HS3ST3A1: variants seen among roughly 807,000 people sequenced by gnomAD.
HS3ST3A1 encodes heparan sulfate glucosamine 3-O-sulfotransferase 3A1.
A neutral mutation model predicts 25.7 loss-of-function variants in HS3ST3A1; 19 were observed. The ratio of observed to expected loss-of-function variants is 0.74; its 90% CI spans 0.52 to 1.08. The LOEUF is 1.08. Ranked by LOEUF, HS3ST3A1 falls within the 50% of genes least tolerant of loss-of-function variation. The pLI, the probability that HS3ST3A1 is intolerant of heterozygous loss-of-function variation, is 0.00. For synonymous variants in HS3ST3A1, 226 were observed against 278.6 expected (o/e 0.81, Z 1.88); for missense variants, 459 against 594.3 (o/e 0.77, Z 2.37).
chr17:13,551,628 G>GC (rs1215288177), intron 1 of HS3ST3A1, among the ~76,000 whole-genome samples: 38 of 149,204 alleles, frequency 2.5e-4, no homozygotes, highest in Admixed American at 1.0e-3. Context: ...AAAAAAAAGG[G>GC]GGGGGGGTAT....
At chr17:13,597,106 T>A (rs942597129) in intron 1 of HS3ST3A1, among the ~76,000 whole-genome samples, 1 of 152,052 alleles carries the variant, frequency 6.6e-6, no homozygotes, top group South Asian at 2.1e-4. Context: ...AACTGAAATA[T>A]AAGAAATAGA....
At chr17:13,501,965 G>C (rs1232970116) in intron 1 of HS3ST3A1, among the ~76,000 whole-genome samples, 1 of 152,176 alleles carries the variant, frequency 6.6e-6, no homozygotes, top group Non-Finnish European at 1.5e-5. Flanking sequence ...ATTATGGTGT[G>C]AGAGAGATGG....
chr17:13,574,543 C>T lies in HS3ST3A1; in HGVS notation c.599+25988G>A, dbSNP rs190982090. 3.0e-3 allele frequency among the ~76,000 whole-genome samples: 454 copies of T among 151,714 alleles called. 2 individuals carry two copies. The highest frequency in any genetic ancestry group is 0.01 in the African/African-American group (423 of 41,414). On this transcript the variant is annotated intron_variant, in intron 1 of 1. Coordinates refer to ENST00000284110, the MANE Select transcript of HS3ST3A1 (RefSeq NM_006042.3). ...ACCATCCTGGCTAACACGGTGAAAC[C>T]CCATCTCTACTAAAAGTACAAAAAA...
At chr17:13,566,881 T>C (rs1285432124) in intron 1 of HS3ST3A1, among the ~76,000 whole-genome samples, 1 of 152,208 alleles carries the variant, frequency 6.6e-6, no homozygotes, top group Non-Finnish European at 1.5e-5. Context: ...AAGTGTAAGA[T>C]GAAGCAGCAG....
chr17:13,555,546 C>T (rs537156076), intron 1 of HS3ST3A1, among the ~76,000 whole-genome samples: 1 of 152,272 alleles, frequency 6.6e-6, no homozygotes, highest in Admixed American at 6.5e-5. Flanking sequence ...AGCATCTTGC[C>T]TCAAAACCAT....
rs117315339 is a variant in HS3ST3A1, at chr17:13,571,050, A to G, written c.599+29481T>C. ...TGTCCGTAAACCTAGGGAATTCACA[A>G]TTGTGCTATCAGCCCATACAAATTC... On this transcript the variant is annotated intron_variant, in intron 1 of 1. Transcript: ENST00000284110. Among the ~76,000 whole-genome samples the G allele has an allele frequency of 3.2e-3, 490 of 152,318 alleles. 1 individual carries two copies. The highest frequency in any genetic ancestry group is 0.022 in the South Asian group (107 of 4,830).
rs763089364 is a variant in HS3ST3A1 at position 13,496,807 on chromosome 17, G to A, written c.611C>T (p.Pro204Leu). 2 of 1,611,060 alleles carry A rather than the reference G, an allele frequency of 1.2e-6. No homozygotes were observed. Among genetic ancestry groups the A allele is most frequent in the Non-Finnish European group, 1.7e-6 (2 of 1,178,536 alleles). ...KGLAWYRDLM[P>L]RTLDGQITME... ...GGTGATCTGCCCGTCCAGGGTTCTG[G>A]GCATCAGGTCCCTGAGAAACGCAAA... is the stretch of plus-strand genomic sequence containing the variant. Residue 204 changes from proline to leucine, a missense_variant, in exon 2 of 2, where the codon CCC (proline) becomes CTC (leucine). Coordinates refer to ENST00000284110, the MANE Select transcript of HS3ST3A1 (RefSeq NM_006042.3).
At chr17:13,567,639 C>T (rs1425112109) in intron 1 of HS3ST3A1, among the ~76,000 whole-genome samples, 1 of 152,108 alleles carries the variant, frequency 6.6e-6, no homozygotes, top group African/African-American at 2.4e-5. Context: ...TGATTCCAAC[C>T]CTCATGGATG....
intron 1 of HS3ST3A1, among the ~76,000 whole-genome samples, chr17:13,524,052 T>C (rs1906334143): frequency 6.6e-6 from 1 of 152,212 alleles, no homozygotes; most frequent in East Asian, 1.9e-4. Context: ...GCTGCATGTT[T>C]GATTTCCTCT....
intron 1 of HS3ST3A1, among the ~76,000 whole-genome samples, chr17:13,578,716 G>C (rs563753090): frequency 1.3e-5 from 2 of 152,198 alleles, no homozygotes; most frequent in Admixed American, 6.5e-5. Context: ...AATACTGAAC[G>C]AATGAATGTT....
chr17:13,597,412 T>C (rs1413500883), intron 1 of HS3ST3A1, among the ~76,000 whole-genome samples: 1 of 152,110 alleles, frequency 6.6e-6, no homozygotes, highest in Non-Finnish European at 1.5e-5. Flanking sequence ...GATCTCAATG[T>C]TTTGAAGCTA....
At chr17:13,532,416 G>A (rs1056038349) in intron 1 of HS3ST3A1, among the ~76,000 whole-genome samples, 1 of 152,068 alleles carries the variant, frequency 6.6e-6, no homozygotes, top group Non-Finnish European at 1.5e-5. Context: ...TAAGGCTGTT[G>A]GGGGTCAGAA....
chr17:13,554,906 G>A (rs2142359547), intron 1 of HS3ST3A1, among the ~76,000 whole-genome samples: 1 of 152,120 alleles, frequency 6.6e-6, no homozygotes, highest in Admixed American at 6.5e-5. Flanking sequence ...CAGGCAGACT[G>A]CCCCCTAACT....
At chr17:13,524,691 T>C (rs375628211) in intron 1 of HS3ST3A1, among the ~76,000 whole-genome samples, 60 of 152,338 alleles carry the variant, frequency 3.9e-4, no homozygotes, top group Admixed American at 1.2e-3. Flanking sequence ...TCAATATCAA[T>C]TTCCTGGCTT....
intron 1 of HS3ST3A1, among the ~76,000 whole-genome samples, chr17:13,528,851 C>T (rs144830201): frequency 1.6e-4 from 24 of 150,082 alleles, no homozygotes; most frequent in African/African-American, 5.9e-4. Context: ...GGGATGGACA[C>T]ATGCACAAAG....
In HS3ST3A1 at chr17:13,495,831, G is replaced by T. The variant is rs1408256803; in HGVS notation, c.*366C>A. ...ACGGGAAAAAGGGAGAAAAATATAAGGATAGATATCAATTTTATCAGGGCC... is the reference window on the plus strand; with the variant it reads ...ACGGGAAAAAGGGAGAAAAATATAATGATAGATATCAATTTTATCAGGGCC... On this transcript the variant is annotated 3_prime_UTR_variant, in exon 2 of 2. Coordinates refer to ENST00000284110, the MANE Select transcript of HS3ST3A1 (RefSeq NM_006042.3). 1 of 170,856 alleles carries T rather than the reference G, an allele frequency of 5.9e-6. No homozygotes were observed. 10.6% of individuals were successfully genotyped at this position (170,856 alleles called of 1,614,324 possible).
intron 1 of HS3ST3A1, among the ~76,000 whole-genome samples, chr17:13,542,770 A>AGGATGGG (rs1230395713): frequency 6.6e-6 from 1 of 152,194 alleles, no homozygotes; most frequent in Non-Finnish European, 1.5e-5. Context: ...GGATAGCCTC[A>AGGATGGG]GGATGGGGGA....
At position 13,591,674 on chromosome 17, in the gene HS3ST3A1, T is replaced by G. The variant is rs78042899; in HGVS notation, c.599+8857A>C. Among the ~76,000 whole-genome samples the G allele has an allele frequency of 9.2e-3, 1,014 of 109,922 alleles. 15 individuals are homozygous for G. The highest frequency in any genetic ancestry group is 0.032 in the African/African-American group (940 of 29,234). 72.1% of individuals were successfully genotyped at this position (109,922 alleles called of 152,430 possible). A position where few individuals can be genotyped will look rare whatever the true frequency, so the allele number is the denominator to read the frequency against. The stretch of plus-strand genomic sequence containing the variant: ...TTTTTTCTTCTTCTTTTTTTTTTTT[T>G]TTGGGACAGAGTCTCACTCTGTTGC... On this transcript the variant is annotated intron_variant, in intron 1 of 1. Transcript: ENST00000284110.
chr17:13,543,636 G>A (rs1906999557), intron 1 of HS3ST3A1: 1 of 161,578 alleles, frequency 6.2e-6, no homozygotes, highest in Non-Finnish European at 1.5e-5. Flanking sequence ...CCTAATACAT[G>A]CAGAATCAGA....
Sources: allele counts gnomAD v4.1 joint callset (sites outside exome capture counted in the v4.1 genomes callset), GRCh38; gene constraint gnomAD v4.1.1; transcripts MANE v1.5; gene names NCBI Gene and HGNC (gene_info 2026-07-23, HGNC 2026-07-21).